IMMP2L: variants seen among roughly 807,000 people sequenced by gnomAD.
The protein encoded by IMMP2L is mitochondrial inner membrane protease subunit 2.
In IMMP2L, 18 loss-of-function variants were observed where a neutral mutation model predicts 19.3. The ratio of observed to expected loss-of-function variants is 0.93; its 90% CI spans 0.64 to 1.38. The LOEUF (loss-of-function observed/expected upper bound fraction) is 1.38. IMMP2L is among the 40% of genes most tolerant of loss of function. The probability of loss-of-function intolerance (pLI) is 0.00; values close to 1 mark genes in which losing one functional copy is unlikely to be tolerated. For synonymous variants in IMMP2L, 76 were observed against 73.0 expected (o/e 1.04, Z -0.21); for missense variants, 233 against 218.2 (o/e 1.07, Z -0.43).
intron 3 of IMMP2L, among the ~76,000 whole-genome samples, chr7:111,048,818 T>A (rs900873414): frequency 1.4e-4 from 21 of 152,208 alleles, no homozygotes; most frequent in Middle Eastern, 6.8e-3. Context: ...TAACTTACAT[T>A]TCCTGAGCAT....
chr7:111,280,711 T>C (rs1328514851), intron 3 of IMMP2L, among the ~76,000 whole-genome samples: 1 of 152,154 alleles, frequency 6.6e-6, no homozygotes, highest in Non-Finnish European at 1.5e-5. Flanking sequence ...CGCCTCTTAC[T>C]AAAAACTTAG....
chr7:111,302,619 A>T (rs1227820114), intron 3 of IMMP2L, among the ~76,000 whole-genome samples: 1 of 152,166 alleles, frequency 6.6e-6, no homozygotes, highest in Admixed American at 6.6e-5. Flanking sequence ...GAGAGGTTAA[A>T]TAACCAAATC....
chr7:110,809,880 C>T (rs1308578783), intron 5 of IMMP2L, among the ~76,000 whole-genome samples: 1 of 151,996 alleles, frequency 6.6e-6, no homozygotes, highest in African/African-American at 2.4e-5. Flanking sequence ...AAAAATTACT[C>T]CTCTTTGCCA....
intron 4 of IMMP2L, among the ~76,000 whole-genome samples, chr7:110,936,889 T>C (rs1816178297): frequency 6.6e-6 from 1 of 152,250 alleles, no homozygotes; most frequent in African/African-American, 2.4e-5. Flanking sequence ...TGATTTCATG[T>C]CCTGTGCAGG....
intron 3 of IMMP2L, among the ~76,000 whole-genome samples, chr7:111,185,022 T>G (rs1280970110): frequency 6.6e-6 from 1 of 152,216 alleles, no homozygotes; most frequent in East Asian, 1.9e-4. Context: ...TGTTTTGTTT[T>G]GTTATTAAAG....
intron 3 of IMMP2L, among the ~76,000 whole-genome samples, chr7:111,096,295 T>C (rs1797390021): frequency 6.6e-6 from 1 of 151,478 alleles, no homozygotes. Context: ...CTCCAGAGAG[T>C]AGAAGAAAAT....
chr7:110,667,548 G>A lies in IMMP2L; in HGVS notation c.409-3827C>T, dbSNP rs538070210. On this transcript the variant is annotated intron_variant, in intron 5 of 5. Transcript: ENST00000405709. Reference sequence around the variant, plus strand: ...ACAAGGGTCCTAAACAGTGAAAGCAGGAGGCAGAAGGGTCAGATTCAAAGA... The same window carrying A: ...ACAAGGGTCCTAAACAGTGAAAGCAAGAGGCAGAAGGGTCAGATTCAAAGA... 1.2e-3 allele frequency among the ~76,000 whole-genome samples: 188 copies of A among 152,286 alleles called. 2 individuals carry two copies. In the South Asian group the frequency reaches 0.021, roughly 17 times the overall value.
At chr7:111,098,492 A>G (rs1435964514) in intron 3 of IMMP2L, among the ~76,000 whole-genome samples, 1 of 151,786 alleles carries the variant, frequency 6.6e-6, no homozygotes, top group Non-Finnish European at 1.5e-5. Context: ...AATTAAAACA[A>G]ATGTTCTGAC....
intron 5 of IMMP2L, among the ~76,000 whole-genome samples, chr7:110,878,336 T>A (rs1285500611): frequency 6.6e-6 from 1 of 152,150 alleles, no homozygotes; most frequent in Non-Finnish European, 1.5e-5. Flanking sequence ...TATGAATAGA[T>A]TTCCTTTCAT....
At chr7:110,820,588 A>G (rs1802936797) in intron 5 of IMMP2L, among the ~76,000 whole-genome samples, 1 of 151,836 alleles carries the variant, frequency 6.6e-6, no homozygotes, top group South Asian at 2.1e-4. Context: ...CCACCCACCC[A>G]CTCACCCATA....
intron 3 of IMMP2L, among the ~76,000 whole-genome samples, chr7:111,329,638 G>A (rs188720439): frequency 6.6e-6 from 1 of 152,006 alleles, no homozygotes; most frequent in African/African-American, 2.4e-5. Flanking sequence ...ACCTTGCAAA[G>A]GCGTCACTTT....
intron 3 of IMMP2L, among the ~76,000 whole-genome samples, chr7:111,317,683 C>G (rs1318555462): frequency 2.6e-5 from 4 of 152,068 alleles, no homozygotes; most frequent in Non-Finnish European, 5.9e-5. Flanking sequence ...TATAAGGCTG[C>G]TACAAACAAT....
At chr7:110,926,332 C>T (rs1563085759) in intron 4 of IMMP2L, among the ~76,000 whole-genome samples, 1 of 151,990 alleles carries the variant, frequency 6.6e-6, no homozygotes, top group Non-Finnish European at 1.5e-5. Context: ...TGTAAAACAA[C>T]CATTTTGAAG....
intron 3 of IMMP2L, among the ~76,000 whole-genome samples, chr7:111,304,241 C>G (rs1369924878): frequency 2.0e-5 from 3 of 152,046 alleles, no homozygotes; most frequent in Non-Finnish European, 2.9e-5. Context: ...CTTGCCATTT[C>G]TGTCATGAGA....
intron 3 of IMMP2L, among the ~76,000 whole-genome samples, chr7:111,018,020 G>A (rs1825880837): frequency 6.6e-6 from 1 of 152,060 alleles, no homozygotes; most frequent in South Asian, 2.1e-4. Context: ...AGTGCATTTG[G>A]GCTCTAATAT....
intron 3 of IMMP2L, among the ~76,000 whole-genome samples, chr7:111,461,429 C>T (rs1200347338): frequency 6.6e-6 from 1 of 152,028 alleles, no homozygotes; most frequent in Non-Finnish European, 1.5e-5. Flanking sequence ...CAGGAACACA[C>T]ATTCTAGCAA....
chr7:110,802,303 A>C (rs1312650017), intron 5 of IMMP2L, among the ~76,000 whole-genome samples: 1 of 147,444 alleles, frequency 6.8e-6, no homozygotes, highest in African/African-American at 2.5e-5. Flanking sequence ...TTTTCTTTTA[A>C]AGACAGTGTG....
chr7:110,974,937 A>G lies in IMMP2L; in HGVS notation c.240-11372T>C, dbSNP rs139022454. Among the ~76,000 whole-genome samples, 1,517 of 152,302 alleles carry G rather than the reference A, an allele frequency of 1.0e-2. 22 individuals are homozygous for G. Among genetic ancestry groups the G allele is most frequent in the African/African-American group, 0.034 (1,403 of 41,560 alleles). On this transcript the variant is annotated intron_variant, in intron 3 of 5. Transcript: ENST00000405709. ...AAACATCTCATCTTTTACAATTATA[A>G]TTCCTTAAGTCCTTATAATTCCAGT... is the stretch of plus-strand genomic sequence containing the variant.
intron 5 of IMMP2L, among the ~76,000 whole-genome samples, chr7:110,815,621 T>C (rs915046793): frequency 3.9e-4 from 59 of 152,262 alleles, no homozygotes; most frequent in Middle Eastern, 3.4e-3. Flanking sequence ...TGGTAAGCTA[T>C]TGATTATTGC....
Sources: gnomAD v4.1 joint callset for allele counts (sites outside exome capture counted in the v4.1 genomes callset) on GRCh38, gnomAD v4.1.1 for gene constraint, MANE v1.5 for transcripts, NCBI Gene and HGNC (gene_info 2026-07-23, HGNC 2026-07-21) for gene names.